Variants in AGMO observed in about 807,000 individuals in gnomAD.
AGMO encodes glyceryl-ether monooxygenase.
In AGMO, 75 loss-of-function variants were observed where a neutral mutation model predicts 60.2. The ratio of observed to expected loss-of-function variants is 1.25; its 90% CI spans 1.03 to 1.51. The LOEUF (loss-of-function observed/expected upper bound fraction) is 1.51. Among genes scored for constraint, AGMO ranks in the 40% most tolerant of loss-of-function variants. The pLI, the probability that AGMO is intolerant of heterozygous loss-of-function variation, is 0.00. For synonymous variants in AGMO, 261 were observed against 177.1 expected, an observed-to-expected ratio of 1.47 and a Z score of -3.76; for missense variants, 763 against 525.5, an observed-to-expected ratio of 1.45 and a Z score of -4.42.
intron 12 of AGMO, among the ~76,000 whole-genome samples, chr7:15,211,009 A>T (rs990834788): frequency 1.3e-5 from 2 of 152,048 alleles, no homozygotes; most frequent in Non-Finnish European, 2.9e-5. Flanking sequence ...GATATACTGC[A>T]TACACATTGC....
chr7:15,418,486 G>T, intron 5 of AGMO, 72 bp downstream of exon 5: 1 of 882,046 alleles, frequency 1.1e-6, no homozygotes, highest in Non-Finnish European at 1.8e-6. Flanking sequence ...TAAATCATCT[G>T]CTAGTGGATT....
At chr7:15,474,413 T>G (rs917181629) in intron 3 of AGMO, among the ~76,000 whole-genome samples, 55 of 152,246 alleles carry the variant, frequency 3.6e-4, no homozygotes, top group Admixed American at 3.6e-3. Context: ...TACAACCATC[T>G]GATCTTTGAC....
At position 15,450,401 on chromosome 7, in the gene AGMO, C is replaced by T. The variant is rs190032133; in HGVS notation, c.410-19293G>A. On this transcript the variant is annotated intron_variant, in intron 3 of 12. Transcript: ENST00000342526. The stretch of plus-strand genomic sequence containing the variant: ...CGCCACTGCACTCCAGCCTGGGCAA[C>T]AGAGCGAGTCTCCATCTCAAAAAAA... 3.2e-4 allele frequency among the ~76,000 whole-genome samples: 46 copies of T among 144,804 alleles called. No homozygotes were observed. In the East Asian group the frequency reaches 8.8e-3, roughly 28 times the overall value. 95.0% of individuals were successfully genotyped at this position (144,804 alleles called of 152,430 possible). A position where few individuals can be genotyped will look rare whatever the true frequency, so the allele number is the denominator to read the frequency against.
At chr7:15,300,800 G>T (rs1013215005) in intron 12 of AGMO, among the ~76,000 whole-genome samples, 2 of 152,138 alleles carry the variant, frequency 1.3e-5, no homozygotes, top group Non-Finnish European at 2.9e-5. Context: ...CAAAAAAAAT[G>T]ACACAAATTA....
chr7:15,319,776 AATT>A (rs1176749702), intron 12 of AGMO, among the ~76,000 whole-genome samples: 1 of 152,136 alleles, frequency 6.6e-6, no homozygotes, highest in Non-Finnish European at 1.5e-5. Flanking sequence ...TCAAAACTGG[AATT>A]ATTTGACATA....
intron 2 of AGMO, among the ~76,000 whole-genome samples, chr7:15,556,335 T>C (rs1266502935): frequency 1.3e-5 from 2 of 150,736 alleles, no homozygotes; most frequent in Non-Finnish European, 3.0e-5. Flanking sequence ...ATTGTGGAGC[T>C]AGCTCCATAG....
At chr7:15,464,847 C>A (rs942774888) in intron 3 of AGMO, among the ~76,000 whole-genome samples, 9 of 152,232 alleles carry the variant, frequency 5.9e-5, no homozygotes, top group African/African-American at 1.9e-4. Flanking sequence ...TCTTAATCCC[C>A]AGGAAAATAA....
intron 12 of AGMO, among the ~76,000 whole-genome samples, chr7:15,250,197 C>T (rs573994382): frequency 6.6e-6 from 1 of 152,234 alleles, no homozygotes; most frequent in South Asian, 2.1e-4. Flanking sequence ...TAAATGAAGT[C>T]TGTGAAATCC....
chr7:15,391,360 C>A (rs1366740086), intron 6 of AGMO, among the ~76,000 whole-genome samples: 1 of 151,750 alleles, frequency 6.6e-6, no homozygotes, highest in East Asian at 1.9e-4. Context: ...AGAGTTAGAC[C>A]TGACTAGTTT....
At chr7:15,270,533 G>A (rs2128513454) in intron 12 of AGMO, among the ~76,000 whole-genome samples, 1 of 140,390 alleles carries the variant, frequency 7.1e-6, no homozygotes, top group South Asian at 2.3e-4. Flanking sequence ...GTCCTTTGTT[G>A]CAAGCATAAT....
At chr7:15,210,961 AAC>A (rs1781571912) in intron 12 of AGMO, among the ~76,000 whole-genome samples, 1 of 152,126 alleles carries the variant, frequency 6.6e-6, no homozygotes. Flanking sequence ...TACAGAAAAT[AAC>A]AGTGTCATAA....
chr7:15,331,645 G>A (rs1457312345), intron 12 of AGMO, among the ~76,000 whole-genome samples: 3 of 152,054 alleles, frequency 2.0e-5, no homozygotes, highest in Admixed American at 1.3e-4. Context: ...AAGAATTGCC[G>A]ACCAGGCGCG....
intron 12 of AGMO, among the ~76,000 whole-genome samples, chr7:15,269,910 C>G (rs980764337): frequency 6.6e-6 from 1 of 152,058 alleles, no homozygotes; most frequent in African/African-American, 2.4e-5. Context: ...GGGCCTCCAG[C>G]TGCCTCCATG....
At chr7:15,159,014 G>A in the AGMO span, among the ~76,000 whole-genome samples, 1 of 151,996 alleles carries the variant, frequency 6.6e-6, no homozygotes, top group Non-Finnish European at 1.5e-5. Context: ...CAACTAATAT[G>A]TGTATATCTC....
At chr7:15,337,550 G>T (rs572246219) in intron 12 of AGMO, among the ~76,000 whole-genome samples, 1 of 152,046 alleles carries the variant, frequency 6.6e-6, no homozygotes, top group Non-Finnish European at 1.5e-5. Flanking sequence ...AGGGCAGGTG[G>T]GAAAACTGAT....
intron 3 of AGMO, among the ~76,000 whole-genome samples, chr7:15,453,215 T>C (rs186864426): frequency 6.6e-6 from 1 of 152,318 alleles, no homozygotes; most frequent in East Asian, 1.9e-4. Context: ...AGGCAAATGT[T>C]ATGGTATGTT....
intron 5 of AGMO, among the ~76,000 whole-genome samples, chr7:15,416,160 A>T (rs1271364931): frequency 4.6e-5 from 7 of 151,640 alleles, no homozygotes; most frequent in Admixed American, 2.6e-4. Flanking sequence ...CGGCCTCCAA[A>T]GTAGCTGGGA....
the AGMO span, among the ~76,000 whole-genome samples, chr7:15,142,605 G>A: frequency 1.3e-5 from 2 of 152,036 alleles, no homozygotes; most frequent in Non-Finnish European, 2.9e-5. Flanking sequence ...TCATAAGCAT[G>A]TTACCTAATT....
chr7:15,544,547 A>G (rs560899669), intron 3 of AGMO, among the ~76,000 whole-genome samples: 109 of 152,300 alleles, frequency 7.2e-4, no homozygotes, highest in African/African-American at 2.5e-3. Flanking sequence ...TTAAAATTAG[A>G]AGCGAAAAAA....
Sources: allele counts gnomAD v4.1 joint callset (sites outside exome capture counted in the v4.1 genomes callset), GRCh38; gene constraint gnomAD v4.1.1; transcripts MANE v1.5; gene names NCBI Gene and HGNC (gene_info 2026-07-23, HGNC 2026-07-21).